The following SGCZ variants were observed in gnomAD, a reference collection of about 807,000 sequenced individuals.
SGCZ encodes the protein sarcoglycan zeta, also known as zeta-sarcoglycan.
Under a neutral mutation model 41.3 loss-of-function variants are expected in SGCZ, and 40 were observed. The ratio of observed to expected loss-of-function variants is 0.97; its 90% confidence interval spans 0.75 to 1.26. The LOEUF (loss-of-function observed/expected upper bound fraction) is 1.26. Among genes scored for constraint, SGCZ ranks in the 50% most tolerant of loss-of-function variants. The probability of loss-of-function intolerance (pLI) is 0.00; values close to 1 mark genes in which losing one functional copy is unlikely to be tolerated. For missense variants in SGCZ, 552 were observed against 369.8 expected, an observed-to-expected ratio of 1.49 and a Z score of -4.04; for synonymous variants, 206 against 137.5, an observed-to-expected ratio of 1.50 and a Z score of -3.49.
At chr8:14,274,267 C>T (rs1471671634) in intron 3 of SGCZ, among the ~76,000 whole-genome samples, 1 of 152,094 alleles carries the variant, frequency 6.6e-6, no homozygotes, top group African/African-American at 2.4e-5. Flanking sequence ...ATTCTGACCT[C>T]TTTTGTGGAG....
intron 2 of SGCZ, among the ~76,000 whole-genome samples, chr8:14,549,309 G>GT (rs1030104378): frequency 6.6e-6 from 1 of 151,968 alleles, no homozygotes; most frequent in East Asian, 1.9e-4. Flanking sequence ...AAATTATGCT[G>GT]TTTTTCCTCC....
intron 4 of SGCZ, among the ~76,000 whole-genome samples, chr8:14,217,087 A>C (rs1806021042): frequency 6.6e-6 from 1 of 152,100 alleles, no homozygotes; most frequent in Non-Finnish European, 1.5e-5. Context: ...GGGGATAGAG[A>C]CCATCCTGCC....
intron 3 of SGCZ, among the ~76,000 whole-genome samples, chr8:14,316,369 C>G (rs562413966): frequency 6.6e-6 from 1 of 151,910 alleles, no homozygotes; most frequent in South Asian, 2.1e-4. Context: ...AATACATCAC[C>G]ATTTGTATAT....
chr8:14,286,011 T>G (rs919319767), intron 3 of SGCZ, among the ~76,000 whole-genome samples: 3 of 152,100 alleles, frequency 2.0e-5, no homozygotes, highest in African/African-American at 7.2e-5. Flanking sequence ...TCAGGATAAA[T>G]TATTACTAAT....
At chr8:14,858,584 C>A (rs1197205927) in intron 1 of SGCZ, among the ~76,000 whole-genome samples, 1 of 152,070 alleles carries the variant, frequency 6.6e-6, no homozygotes, top group East Asian at 1.9e-4. Context: ...CAATGAAAGC[C>A]AGCACAATTT....
At chr8:15,091,005 CT>C (rs1806137994) in intron 1 of SGCZ, among the ~76,000 whole-genome samples, 1 of 152,156 alleles carries the variant, frequency 6.6e-6, no homozygotes, top group Non-Finnish European at 1.5e-5. Context: ...ATGGCATCTA[CT>C]TGACTGACAG....
At chr8:14,730,874 AAGTC>A (rs955753969) in intron 1 of SGCZ, among the ~76,000 whole-genome samples, 78 of 151,972 alleles carry the variant, frequency 5.1e-4, no homozygotes, top group African/African-American at 1.8e-3. Flanking sequence ...GATCAATAAA[AAGTC>A]AGGGAACAAG....
At chr8:14,547,917 G>T (rs1803680880) in intron 2 of SGCZ, among the ~76,000 whole-genome samples, 2 of 152,112 alleles carry the variant, frequency 1.3e-5, no homozygotes, top group Admixed American at 6.6e-5. Flanking sequence ...TATTTATTGA[G>T]ATCTTTTTAT....
intron 4 of SGCZ, among the ~76,000 whole-genome samples, chr8:14,176,296 T>G (rs1435687921): frequency 1.3e-5 from 2 of 152,178 alleles, no homozygotes; most frequent in Non-Finnish European, 2.9e-5. Flanking sequence ...ACATATTACA[T>G]CATGGAAATT....
intron 2 of SGCZ, among the ~76,000 whole-genome samples, chr8:14,337,770 C>A (rs1243966532): frequency 6.6e-6 from 1 of 152,094 alleles, no homozygotes; most frequent in African/African-American, 2.4e-5. Flanking sequence ...ACCAAGAAGT[C>A]CAGTGGTACC....
At chr8:15,027,549 C>G (rs998556724) in intron 1 of SGCZ, among the ~76,000 whole-genome samples, 1 of 151,974 alleles carries the variant, frequency 6.6e-6, no homozygotes, top group Non-Finnish European at 1.5e-5. Flanking sequence ...AGTGGCTTAT[C>G]TTCTAATTTT....
At chr8:14,641,536 G>A (rs956395072) in intron 1 of SGCZ, among the ~76,000 whole-genome samples, 2 of 151,498 alleles carry the variant, frequency 1.3e-5, no homozygotes, top group Admixed American at 6.6e-5. Flanking sequence ...TCCAAGCCAG[G>A]AGTCTTTTGC....
chr8:15,159,685 G>C (rs532058109), intron 1 of SGCZ, among the ~76,000 whole-genome samples: 16 of 147,890 alleles, frequency 1.1e-4, no homozygotes, highest in Admixed American at 7.5e-4. Context: ...AGGAAAAAGA[G>C]TTTGAAGGTT....
At chr8:15,106,566 A>G (rs1806832991) in intron 1 of SGCZ, among the ~76,000 whole-genome samples, 1 of 152,094 alleles carries the variant, frequency 6.6e-6, no homozygotes. Flanking sequence ...TTTATTACAT[A>G]CAGACTTCTA....
chr8:14,528,827 C>CAAAAAAAA (rs760788606), intron 2 of SGCZ, among the ~76,000 whole-genome samples: 8 of 52,706 alleles, frequency 1.5e-4, no homozygotes, highest in African/African-American at 8.5e-4. Flanking sequence ...ACGGACCAGC[C>CAAAAAAAA]AAAAAAAAAA....
At chr8:14,567,714 T>G (rs1472359843) in intron 1 of SGCZ, among the ~76,000 whole-genome samples, 1 of 152,142 alleles carries the variant, frequency 6.6e-6, no homozygotes, top group African/African-American at 2.4e-5. Context: ...ACACTGTCTT[T>G]ATGAGCTGTA....
At chr8:14,758,696 T>C (rs1323218015) in intron 1 of SGCZ, among the ~76,000 whole-genome samples, 4 of 152,168 alleles carry the variant, frequency 2.6e-5, no homozygotes, top group African/African-American at 4.8e-5. Context: ...TTACCATTTA[T>C]TTCTTTATTT....
intron 3 of SGCZ, among the ~76,000 whole-genome samples, chr8:14,265,848 A>G (rs1320467507): frequency 6.6e-6 from 1 of 151,922 alleles, no homozygotes; most frequent in African/African-American, 2.4e-5. Context: ...CGAAAAATAC[A>G]GTAAAGAGCA....
intron 1 of SGCZ, among the ~76,000 whole-genome samples, chr8:15,041,573 G>C (rs1804098090): frequency 6.6e-6 from 1 of 152,030 alleles, no homozygotes; most frequent in African/African-American, 2.4e-5. Flanking sequence ...ATCATGAGAA[G>C]TATTTCCTAG....
Sources: gnomAD v4.1 joint callset for allele counts (sites outside exome capture counted in the v4.1 genomes callset) on GRCh38, gnomAD v4.1.1 for gene constraint, MANE v1.5 for transcripts, NCBI Gene and HGNC (gene_info 2026-07-23, HGNC 2026-07-21) for gene names.